The following VPS13B variants were observed in gnomAD, a reference collection of about 807,000 sequenced individuals.
VPS13B encodes vacuolar protein sorting 13 homolog B.
VPS13B carries 285 observed loss-of-function variants against 426.4 expected under a neutral mutation model. The ratio of observed to expected loss-of-function variants is 0.67; its 90% CI spans 0.61 to 0.74. VPS13B has a LOEUF of 0.74. Among genes scored for constraint, VPS13B ranks in the 30% least tolerant of loss-of-function variants. VPS13B has a pLI of 0.00. For synonymous variants in VPS13B, 1,676 were observed against 1,676.4 expected, an observed-to-expected ratio of 1.00 and a Z score of 0.01; for missense variants, 4,537 against 4,782.6, an observed-to-expected ratio of 0.95 and a Z score of 1.51.
At chr8:99,818,617 G>C (rs987641706) in intron 46 of VPS13B, 83 bp downstream of exon 46, 32 of 1,602,620 alleles carry the variant, frequency 2.0e-5, no homozygotes, top group Non-Finnish European at 2.6e-5. Flanking sequence ...GAGTGACCCA[G>C]GGAAGAGATT....
intron 34 of VPS13B, 101 bp downstream of exon 34, chr8:99,642,599 A>T: frequency 9.5e-7 from 1 of 1,056,506 alleles, no homozygotes; most frequent in South Asian, 1.4e-5. Context: ...TGGCAGACAA[A>T]AGTCTTTTCT....
chr8:99,309,942 A>C (rs979328152), intron 19 of VPS13B, among the ~76,000 whole-genome samples: 5 of 152,120 alleles, frequency 3.3e-5, no homozygotes, highest in African/African-American at 1.2e-4. Context: ...CTCTTTGAAG[A>C]AATTGTGAGT....
chr8:99,016,506 C>CT (rs201275543), intron 2 of VPS13B, among the ~76,000 whole-genome samples: 10,173 of 93,020 alleles, frequency 0.11, 576 homozygotes, highest in African/African-American at 0.22. Flanking sequence ...ATTTAGCTAT[C>CT]TTTTTTTTTT....
intron 29 of VPS13B, among the ~76,000 whole-genome samples, chr8:99,513,502 T>C (rs943309092): frequency 6.6e-6 from 1 of 152,170 alleles, no homozygotes; most frequent in Admixed American, 6.6e-5. Context: ...AAGCAACTTA[T>C]CTAATTGGTA....
At position 99,511,151 on chromosome 8, in the gene VPS13B, C is replaced by T; in HGVS notation, c.4272C>T (p.Leu1424=). Residue 1424 remains leucine (L), a synonymous_variant, in exon 29 of 62, where the codon CTC becomes CTT. Coordinates refer to ENST00000357162, the MANE Select transcript of VPS13B (RefSeq NM_152564.5). Reference sequence around the variant, plus strand: ...GCACTCATCAGCAGCATGGATTCCTCTCTCTGACATACACAAAAGCTGTAA... The same window carrying T: ...GCACTCATCAGCAGCATGGATTCCTTTCTCTGACATACACAAAAGCTGTAA... The part of the protein sequence containing the change: ...LDGTHQQHGF[L]SLTYTKAVTK... 1 of 1,613,814 alleles carries T rather than the reference C, an allele frequency of 6.2e-7. No individual in the cohort carries two copies. The highest frequency in any genetic ancestry group is 8.5e-7 in the Non-Finnish European group (1 of 1,179,988).
rs141845131 is a variant in VPS13B, at chr8:99,717,172, C to G, written c.6456C>G (p.Gly2152=). 3 of 1,610,572 alleles carry G rather than the reference C, an allele frequency of 1.9e-6. No homozygotes were observed. The highest frequency in any genetic ancestry group is 3.3e-5 in the Admixed American group (2 of 59,808). The change falls in exon 37 of 62, where the codon GGC becomes GGG. Residue 2152 remains glycine (G), a splice_region_variant and synonymous_variant. Coordinates refer to ENST00000357162, the MANE Select transcript of VPS13B (RefSeq NM_152564.5). ...TACTCTTCTGTATTTTTTTTTCAGGCATAATTCTTGGGTCATCATTTCTAC... is the reference window on the plus strand; with the variant it reads ...TACTCTTCTGTATTTTTTTTTCAGGGATAATTCTTGGGTCATCATTTCTAC... The part of the protein sequence containing the change: ...LSVKATQKVP[G]IILGSSFLLS...
chr8:99,184,363 G>A (rs180728689), intron 16 of VPS13B, among the ~76,000 whole-genome samples: 55 of 152,148 alleles, frequency 3.6e-4, no homozygotes, highest in African/African-American at 1.3e-3. Context: ...TTTTTTCACA[G>A]CCCTGCTGAC....
Position 99,102,976 on chromosome 8 carries a change from C to T in VPS13B, c.436C>T (p.Arg146Ter), listed in dbSNP as rs144539572. ...AGGTTATGTGCAGAGTCTGATTAGA[C>T]GAGTTGTAAATAATGTAAACATTGT... ...PPGYVQSLIRRVVNNVNIVIN... is the reference protein window; with the variant it reads ...PPGYVQSLIR The change falls in exon 5 of 62, where the codon CGA becomes TGA. Residue 146 changes from arginine to a stop codon, truncating the protein, a stop_gained. Transcript: ENST00000357162. LOFTEE classifies it high-confidence loss of function. 1.9e-5 allele frequency: 30 copies of T among 1,609,236 alleles called. No individual in the cohort carries two copies. The highest frequency in any genetic ancestry group is 1.5e-4 in the African/African-American group (11 of 74,742).
At chr8:99,318,784 G>T (rs1809818851) in intron 19 of VPS13B, among the ~76,000 whole-genome samples, 1 of 152,138 alleles carries the variant, frequency 6.6e-6, no homozygotes. Flanking sequence ...GCCTCCCAAA[G>T]TGCTGGGATT....
chr8:99,339,381 G>C (rs1196287960), intron 19 of VPS13B, among the ~76,000 whole-genome samples: 1 of 152,028 alleles, frequency 6.6e-6, no homozygotes, highest in Non-Finnish European at 1.5e-5. Flanking sequence ...GGTGGAGGTG[G>C]AGTAGGAGAA....
chr8:99,175,156 G>A (rs908748930), intron 16 of VPS13B, among the ~76,000 whole-genome samples: 8 of 152,156 alleles, frequency 5.3e-5, no homozygotes, highest in East Asian at 1.9e-4. Context: ...ACATTCTTCA[G>A]TTATTGTTGA....
Position 99,140,496 on chromosome 8 carries a change from T to G in VPS13B, c.1652-2478T>G, listed in dbSNP as rs575101939. Among the ~76,000 whole-genome samples the G allele has an allele frequency of 3.3e-5, 5 of 152,152 alleles. No homozygotes were observed. In the South Asian group the frequency reaches 1.0e-3, roughly 32 times the overall value. ...TATACTATGGCATATAAATAAAAATTAAGTTTCCTCTGCTACTATTTGGTA... is the reference window on the plus strand; with the variant it reads ...TATACTATGGCATATAAATAAAAATGAAGTTTCCTCTGCTACTATTTGGTA... On this transcript the variant is annotated intron_variant, in intron 12 of 61. Transcript: ENST00000357162.
chr8:99,231,014 T>C (rs1479701273), intron 17 of VPS13B, among the ~76,000 whole-genome samples: 1 of 152,246 alleles, frequency 6.6e-6, no homozygotes, highest in Non-Finnish European at 1.5e-5. Flanking sequence ...CTGGACTTTT[T>C]GTTAATGTTT....
chr8:99,641,135 T>C (rs1829340409), intron 33 of VPS13B, among the ~76,000 whole-genome samples: 1 of 152,212 alleles, frequency 6.6e-6, no homozygotes, highest in Non-Finnish European at 1.5e-5. Flanking sequence ...GTAGCCTTTA[T>C]TGCACAAAGG....
intron 54 of VPS13B, among the ~76,000 whole-genome samples, chr8:99,842,002 C>T (rs1815711236): frequency 6.6e-6 from 1 of 152,338 alleles, no homozygotes; most frequent in African/African-American, 2.4e-5. Context: ...CCCCGTCTCA[C>T]TCCTGTTCCC....
At chr8:99,675,664 T>C (rs1203239301) in intron 35 of VPS13B, among the ~76,000 whole-genome samples, 1 of 152,112 alleles carries the variant, frequency 6.6e-6, no homozygotes, top group African/African-American at 2.4e-5. Context: ...GCCTGTATAT[T>C]TTCAAATAAT....
At chr8:99,796,879 TGA>T (rs1288716812) in intron 43 of VPS13B, 1 of 152,216 alleles carries the variant, frequency 6.6e-6, no homozygotes, top group Non-Finnish European at 1.5e-5. Context: ...CCCAGGAGAA[TGA>T]GAGCAGAGAC....
intron 3 of VPS13B, among the ~76,000 whole-genome samples, chr8:99,055,290 T>G (rs1843790278): frequency 6.6e-6 from 1 of 152,198 alleles, no homozygotes; most frequent in African/African-American, 2.4e-5. Context: ...TCTGCCTGCC[T>G]CAGCCTCCCA....
intron 36 of VPS13B, among the ~76,000 whole-genome samples, chr8:99,713,213 G>T (rs780296065): frequency 6.6e-6 from 1 of 152,134 alleles, no homozygotes; most frequent in Non-Finnish European, 1.5e-5. Flanking sequence ...CCACTATAGC[G>T]TGAGAAAGGA....
Sources: allele counts gnomAD v4.1 joint callset (sites outside exome capture counted in the v4.1 genomes callset), GRCh38; gene constraint gnomAD v4.1.1; transcripts MANE v1.5; gene names NCBI Gene and HGNC (gene_info 2026-07-23, HGNC 2026-07-21).